AFG2A: variants seen among roughly 807,000 people sequenced by gnomAD.
AFG2A encodes AAA ATPase AFG2A.
chr4:123,156,817 A>G, the AFG2A span, among the ~76,000 whole-genome samples: 3 of 151,594 alleles, frequency 2.0e-5, no homozygotes, highest in African/African-American at 7.3e-5. Context: ...TCCCATGCTG[A>G]TAGTTTTTTT....
the AFG2A span, among the ~76,000 whole-genome samples, chr4:123,073,231 C>A: frequency 6.6e-6 from 1 of 150,688 alleles, no homozygotes; most frequent in Non-Finnish European, 1.5e-5. Flanking sequence ...CCTTTTCTTT[C>A]TTCTTTCACT....
chr4:122,928,461 G>GGC, the AFG2A span, among the ~76,000 whole-genome samples: 3 of 152,132 alleles, frequency 2.0e-5, no homozygotes, highest in African/African-American at 7.2e-5. Flanking sequence ...GTCTGCTGAT[G>GGC]GCACCCCTCC....
At chr4:123,037,567 T>C in the AFG2A span, among the ~76,000 whole-genome samples, 1 of 151,968 alleles carries the variant, frequency 6.6e-6, no homozygotes, top group Non-Finnish European at 1.5e-5. Flanking sequence ...GACTATACTA[T>C]ATATACCTAA....
chr4:122,989,333 G>A, the AFG2A span, among the ~76,000 whole-genome samples: 1 of 152,148 alleles, frequency 6.6e-6, no homozygotes. Flanking sequence ...ATCTTGGTTT[G>A]TTGTCTGGGT....
chr4:123,049,503 CTT>C, the AFG2A span, among the ~76,000 whole-genome samples: 1 of 151,766 alleles, frequency 6.6e-6, no homozygotes, highest in African/African-American at 2.4e-5. Flanking sequence ...TGATGGGAGA[CTT>C]TTTATTGCTT....
At chr4:123,301,739 G>T in the AFG2A span, among the ~76,000 whole-genome samples, 1 of 152,108 alleles carries the variant, frequency 6.6e-6, no homozygotes, top group Non-Finnish European at 1.5e-5. Context: ...TTTTCCCCCT[G>T]TTTAACACAG....
At chr4:122,947,484 A>G in the AFG2A span, 1 of 1,609,436 alleles carries the variant, frequency 6.2e-7, no homozygotes, top group East Asian at 2.2e-5. Flanking sequence ...TGTGTAATGA[A>G]GCAGGTGAGT....
the AFG2A span, among the ~76,000 whole-genome samples, chr4:123,136,105 C>T: frequency 1.3e-5 from 2 of 152,266 alleles, no homozygotes; most frequent in East Asian, 3.9e-4. Context: ...ATAATTTAAT[C>T]ATTCTAGTAA....
At chr4:123,022,244 A>G in the AFG2A span, among the ~76,000 whole-genome samples, 1 of 151,980 alleles carries the variant, frequency 6.6e-6, no homozygotes, top group East Asian at 1.9e-4. Flanking sequence ...ATCAGAGTGA[A>G]CAGGCAACCT....
the AFG2A span, among the ~76,000 whole-genome samples, chr4:123,298,225 G>C: frequency 6.6e-6 from 1 of 152,146 alleles, no homozygotes; most frequent in South Asian, 2.1e-4. Context: ...GTAGGGTTTT[G>C]ATTACTGGAA....
the AFG2A span, among the ~76,000 whole-genome samples, chr4:123,093,030 G>T: frequency 1.1e-4 from 17 of 152,150 alleles, no homozygotes; most frequent in African/African-American, 3.6e-4. Flanking sequence ...AAAGCCCTTC[G>T]CAGTAGCACC....
At chr4:123,180,225 AAAC>A in the AFG2A span, among the ~76,000 whole-genome samples, 30 of 152,242 alleles carry the variant, frequency 2.0e-4, no homozygotes, top group Admixed American at 5.2e-4. Context: ...GTCTCAGAAA[AAAC>A]AACAACAACA....
At chr4:123,126,482 T>C in the AFG2A span, among the ~76,000 whole-genome samples, 5 of 152,302 alleles carry the variant, frequency 3.3e-5, no homozygotes, top group East Asian at 9.7e-4. Flanking sequence ...GAGAGATTGA[T>C]ACAGTTTGGC....
At chr4:123,054,500 C>T in the AFG2A span, among the ~76,000 whole-genome samples, 3 of 151,536 alleles carry the variant, frequency 2.0e-5, no homozygotes, top group Non-Finnish European at 4.4e-5. Flanking sequence ...AGGCAGATGA[C>T]GAGGTCAGGA....
the AFG2A span, among the ~76,000 whole-genome samples, chr4:123,250,352 C>T: frequency 0.76 from 115,117 of 152,092 alleles, 44,511 homozygotes; most frequent in Non-Finnish European, 0.84. Flanking sequence ...TCATAATAAA[C>T]TAACATGTTT....
the AFG2A span, among the ~76,000 whole-genome samples, chr4:122,981,197 A>G: frequency 1.3e-5 from 2 of 152,150 alleles, no homozygotes; most frequent in Non-Finnish European, 1.5e-5. Context: ...AAGACTGGCC[A>G]GTTTCATGTG....
chr4:123,125,671 A>ACT, the AFG2A span, among the ~76,000 whole-genome samples: 5 of 152,188 alleles, frequency 3.3e-5, no homozygotes, highest in Admixed American at 3.3e-4. Context: ...AGCTTTGATG[A>ACT]CATGACACTT....
the AFG2A span, among the ~76,000 whole-genome samples, chr4:123,245,584 T>C: frequency 1.4e-3 from 219 of 152,294 alleles, 1 homozygote; most frequent in Admixed American, 2.7e-3. Context: ...TGTGTATGTG[T>C]GTGCATGCTA....
At chr4:123,072,567 TAAG>T in the AFG2A span, among the ~76,000 whole-genome samples, 29 of 152,322 alleles carry the variant, frequency 1.9e-4, no homozygotes, top group African/African-American at 6.5e-4. Context: ...CAAGAAACCT[TAAG>T]AAATCCTTGA....
Sources: allele counts gnomAD v4.1 joint callset (sites outside exome capture counted in the v4.1 genomes callset), GRCh38; gene constraint gnomAD v4.1.1; transcripts MANE v1.5; gene names NCBI Gene and HGNC (gene_info 2026-07-23, HGNC 2026-07-21).